VEPH1: variants seen among roughly 807,000 people sequenced by gnomAD.
VEPH1 encodes ventricular zone-expressed PH domain-containing protein homolog 1.
VEPH1 carries 80 observed loss-of-function variants against 85.2 expected under a neutral mutation model. The ratio of observed to expected loss-of-function variants is 0.94; its 90% CI spans 0.78 to 1.13. VEPH1 has a LOEUF of 1.13. Among genes scored for constraint, VEPH1 ranks in the 50% most tolerant of loss-of-function variants. The probability of loss-of-function intolerance (pLI) is 0.00; values close to 1 mark genes in which losing one functional copy is unlikely to be tolerated. For missense variants in VEPH1, 955 were observed against 980.5 expected, an observed-to-expected ratio of 0.97 and a Z score of 0.35; for synonymous variants, 297 against 348.0, an observed-to-expected ratio of 0.85 and a Z score of 1.63.
At chr3:157,498,869 C>T (rs113417339) in intron 1 of VEPH1, among the ~76,000 whole-genome samples, 1,583 of 152,308 alleles carry the variant, frequency 0.01, 25 homozygotes, top group African/African-American at 0.035. Context: ...CCTGTGTGCA[C>T]GTGTACATAT....
At chr3:157,342,874 C>G (rs940871003) in intron 9 of VEPH1, among the ~76,000 whole-genome samples, 2 of 152,206 alleles carry the variant, frequency 1.3e-5, no homozygotes, top group Admixed American at 1.3e-4. Flanking sequence ...TTATGAAACT[C>G]ACTAAAAACC....
chr3:157,384,015 C>T lies in VEPH1; in HGVS notation c.907-2639G>A, dbSNP rs1179380413. Among the ~76,000 whole-genome samples the T allele has an allele frequency of 2.0e-5, 3 of 152,074 alleles. No homozygotes were observed. The East Asian group carries it at 5.8e-4, about 29-fold the overall frequency. On this transcript the variant is annotated intron_variant, in intron 6 of 13. Coordinates refer to ENST00000362010, the MANE Select transcript of VEPH1 (RefSeq NM_001167912.2). The stretch of plus-strand genomic sequence containing the variant: ...AGGTAAAAGCTGGATGTGGGGGGTC[C>T]CTACCATATGCCAGACCCCCTTCTA...
At chr3:157,485,664 C>T (rs12635273) in intron 2 of VEPH1, among the ~76,000 whole-genome samples, 50,044 of 151,620 alleles carry the variant, frequency 0.33, 8,414 homozygotes, top group East Asian at 0.4. Context: ...CCAAATAGAT[C>T]GCTTATCATA....
In VEPH1 at chr3:157,265,633, C is replaced by A. The variant is rs1199485556; in HGVS notation, c.2158G>T (p.Glu720Ter). The change falls in exon 13 of 14, where the codon GAA (glutamate) becomes TAA (stop). Residue 720 changes from glutamate (E) to a stop codon, truncating the protein, a stop_gained. Coordinates refer to ENST00000362010, the MANE Select transcript of VEPH1 (RefSeq NM_001167912.2). LOFTEE classifies it high-confidence loss of function. The part of the protein sequence containing the change: ...VVNQDGQPLI[E>*]GKLKEKQVRW... ...ACTTGCTTCTCTTTAAGTTTTCCTTCTATGAGAGGCTGGCCATCTTGATTT... is the reference window on the plus strand; with the variant it reads ...ACTTGCTTCTCTTTAAGTTTTCCTTATATGAGAGGCTGGCCATCTTGATTT... 5.0e-6 allele frequency: 8 copies of A among 1,613,372 alleles called. No individual in the cohort carries two copies. The African/African-American group carries it at 9.3e-5, about 19-fold the overall frequency.
intron 7 of VEPH1, among the ~76,000 whole-genome samples, chr3:157,371,419 G>T (rs1002798563): frequency 6.6e-6 from 1 of 152,116 alleles, no homozygotes; most frequent in Non-Finnish European, 1.5e-5. Context: ...AACCAACATG[G>T]GAGAGAATAA....
chr3:157,382,377 G>T (rs569471031), intron 6 of VEPH1, among the ~76,000 whole-genome samples: 12 of 152,206 alleles, frequency 7.9e-5, no homozygotes, highest in African/African-American at 2.2e-4. Context: ...GCCATATTTT[G>T]AGGCAACATG....
intron 6 of VEPH1, among the ~76,000 whole-genome samples, chr3:157,384,092 A>AT (rs1729050852): frequency 6.6e-6 from 1 of 152,324 alleles, no homozygotes; most frequent in African/African-American, 2.4e-5. Context: ...CTGCCACAAT[A>AT]ATGAGGCAGA....
chr3:157,346,611 T>A (rs1398012516), intron 9 of VEPH1, among the ~76,000 whole-genome samples: 3 of 89,254 alleles, frequency 3.4e-5, no homozygotes, highest in South Asian at 4.6e-4. Flanking sequence ...CCTTAAATAC[T>A]TTTTTTTTTC....
At chr3:157,486,022 A>C (rs1281658148) in intron 2 of VEPH1, among the ~76,000 whole-genome samples, 7 of 152,204 alleles carry the variant, frequency 4.6e-5, no homozygotes, top group Non-Finnish European at 1.0e-4. Context: ...GAAAATGTAA[A>C]ACATATCTGT....
At chr3:157,336,710 A>T (rs1723006154) in intron 9 of VEPH1, among the ~76,000 whole-genome samples, 1 of 152,256 alleles carries the variant, frequency 6.6e-6, no homozygotes, top group African/African-American at 2.4e-5. Flanking sequence ...ACAAAACTCC[A>T]GGTGAATGTG....
intron 9 of VEPH1, among the ~76,000 whole-genome samples, chr3:157,330,728 C>T (rs940006419): frequency 6.6e-6 from 1 of 152,104 alleles, no homozygotes; most frequent in Admixed American, 6.6e-5. Flanking sequence ...TTATGCCAGC[C>T]CTCGCCACCT....
At chr3:157,333,457 A>G (rs1722681912) in intron 9 of VEPH1, among the ~76,000 whole-genome samples, 1 of 152,214 alleles carries the variant, frequency 6.6e-6, no homozygotes, top group Admixed American at 6.5e-5. Context: ...AATCTGGGAT[A>G]TTTTCAGAGG....
In VEPH1 at chr3:157,299,492, C is replaced by T. The variant is rs149479167; in HGVS notation, c.2011-12818G>A. 2.9e-3 allele frequency among the ~76,000 whole-genome samples: 412 copies of T among 142,196 alleles called. 5 individuals carry two copies. In the East Asian group the frequency reaches 0.044, roughly 15 times the overall value. 93.3% of individuals were successfully genotyped at this position (142,196 alleles called of 152,430 possible). On this transcript the variant is annotated intron_variant, in intron 11 of 13. Transcript: ENST00000362010. ...AGAGGATTGATTGAGCCTGGGAGGTCGAGGCTGCAGTGAGACATCATTGTG... is the reference window on the plus strand; with the variant it reads ...AGAGGATTGATTGAGCCTGGGAGGTTGAGGCTGCAGTGAGACATCATTGTG...
intron 4 of VEPH1, among the ~76,000 whole-genome samples, chr3:157,445,520 C>A (rs919716373): frequency 2.0e-5 from 3 of 152,132 alleles, no homozygotes; most frequent in Non-Finnish European, 4.4e-5. Context: ...ACTCGGGAGG[C>A]TGAGGCAGGA....
intron 4 of VEPH1, among the ~76,000 whole-genome samples, chr3:157,458,551 A>C (rs1735566058): frequency 6.6e-6 from 1 of 152,072 alleles, no homozygotes; most frequent in Admixed American, 6.6e-5. Flanking sequence ...AGTTTGCAAA[A>C]ATTTTCTCCC....
chr3:157,422,118 G>C (rs1017146239), intron 5 of VEPH1, among the ~76,000 whole-genome samples: 14 of 152,122 alleles, frequency 9.2e-5, no homozygotes, highest in Non-Finnish European at 1.8e-4. Context: ...GATTTCATTG[G>C]TTGGAATTAG....
intron 4 of VEPH1, among the ~76,000 whole-genome samples, chr3:157,430,199 A>G (rs1733036314): frequency 6.6e-6 from 1 of 152,192 alleles, no homozygotes; most frequent in African/African-American, 2.4e-5. Context: ...AGAGGCAACC[A>G]TCATCCTAAA....
chr3:157,464,609 C>A (rs1246171889), intron 3 of VEPH1, among the ~76,000 whole-genome samples: 1 of 152,162 alleles, frequency 6.6e-6, no homozygotes, highest in Non-Finnish European at 1.5e-5. Flanking sequence ...AGAGGTTAAA[C>A]AAGAGAGCTT....
At chr3:157,354,588 CT>C in intron 9 of VEPH1, among the ~76,000 whole-genome samples, 1 of 152,288 alleles carries the variant, frequency 6.6e-6, no homozygotes, top group South Asian at 2.1e-4. Flanking sequence ...AGACCTTCCC[CT>C]GTTACTCTAC....
Sources: allele counts gnomAD v4.1 joint callset (sites outside exome capture counted in the v4.1 genomes callset), GRCh38; gene constraint gnomAD v4.1.1; transcripts MANE v1.5; gene names NCBI Gene and HGNC (gene_info 2026-07-23, HGNC 2026-07-21).